The following ATOSA variants were observed in gnomAD, a reference collection of about 807,000 sequenced individuals.
ATOSA encodes the protein atos homolog A.
chr15:52,706,340 G>C, the ATOSA span, among the ~76,000 whole-genome samples: 1 of 152,188 alleles, frequency 6.6e-6, no homozygotes, highest in Non-Finnish European at 1.5e-5. Context: ...ACTAGCCTCA[G>C]TCTATGGAGA....
chr15:52,701,741 T>A, the ATOSA span, among the ~76,000 whole-genome samples: 148,366 of 152,330 alleles, frequency 0.97, 72,320 homozygotes, highest in Non-Finnish European at 1. Context: ...AATTGTGCAT[T>A]AAAACACTTT....
At chr15:52,661,252 ATTACT>A in the ATOSA span, among the ~76,000 whole-genome samples, 2 of 152,202 alleles carry the variant, frequency 1.3e-5, no homozygotes, top group African/African-American at 4.8e-5. Flanking sequence ...GTATCTATGT[ATTACT>A]TTGAGAACAA....
the ATOSA span, among the ~76,000 whole-genome samples, chr15:52,677,049 GGT>G: frequency 6.6e-6 from 1 of 151,954 alleles, no homozygotes; most frequent in South Asian, 2.1e-4. Context: ...AATTCCTTCT[GGT>G]GCATTTCAAT....
At chr15:52,607,086 T>C in the ATOSA span, among the ~76,000 whole-genome samples, 6 of 152,208 alleles carry the variant, frequency 3.9e-5, no homozygotes, top group Admixed American at 2.6e-4. Flanking sequence ...CACTCTAAGA[T>C]AGGCAAAAGA....
the ATOSA span, among the ~76,000 whole-genome samples, chr15:52,606,553 C>G: frequency 3.3e-5 from 5 of 152,006 alleles, no homozygotes; most frequent in East Asian, 9.6e-4. Context: ...TCAGAAGGGG[C>G]ACACAGTAAA....
chr15:52,692,946 T>C, the ATOSA span, among the ~76,000 whole-genome samples: 1 of 151,926 alleles, frequency 6.6e-6, no homozygotes, highest in South Asian at 2.1e-4. Context: ...CCACCACGCC[T>C]GGCACAAAAC....
At chr15:52,649,159 T>C in the ATOSA span, among the ~76,000 whole-genome samples, 12 of 152,178 alleles carry the variant, frequency 7.9e-5, no homozygotes, top group African/African-American at 2.7e-4. Flanking sequence ...ACTGTCGATA[T>C]GTGAAAATGC....
chr15:52,620,943 AT>A, the ATOSA span, among the ~76,000 whole-genome samples: 1 of 152,254 alleles, frequency 6.6e-6, no homozygotes. Context: ...TCTCAAAAAA[AT>A]AAAATAAAAA....
chr15:52,631,289 T>C, the ATOSA span, among the ~76,000 whole-genome samples: 70 of 152,312 alleles, frequency 4.6e-4, no homozygotes, highest in South Asian at 1.7e-3. Context: ...GTTTGTAAGG[T>C]GGTACTAGTT....
At chr15:52,630,981 C>CA in the ATOSA span, among the ~76,000 whole-genome samples, 1 of 152,040 alleles carries the variant, frequency 6.6e-6, no homozygotes, top group Admixed American at 6.6e-5. Flanking sequence ...TTAAAAGAGA[C>CA]AACACAGAAT....
the ATOSA span, among the ~76,000 whole-genome samples, chr15:52,621,187 C>T: frequency 1.5e-4 from 23 of 152,216 alleles, no homozygotes; most frequent in Admixed American, 1.2e-3. Flanking sequence ...TAATGACATA[C>T]CTACTTTTGA....
At chr15:52,625,715 G>T in the ATOSA span, among the ~76,000 whole-genome samples, 1 of 151,962 alleles carries the variant, frequency 6.6e-6, no homozygotes. Context: ...AAAAAGTTAC[G>T]TTTTTATAGT....
the ATOSA span, chr15:52,679,345 C>A: frequency 7.6e-4 from 117 of 154,122 alleles, no homozygotes; most frequent in Non-Finnish European, 3.0e-4. Context: ...CCGTCCCCCT[C>A]GCTCGGCCAG....
At chr15:52,699,808 A>G in the ATOSA span, among the ~76,000 whole-genome samples, 1 of 152,152 alleles carries the variant, frequency 6.6e-6, no homozygotes, top group African/African-American at 2.4e-5. Context: ...GCCTTACTGT[A>G]GCATTCGGAT....
chr15:52,607,605 A>G, the ATOSA span, among the ~76,000 whole-genome samples: 1 of 152,176 alleles, frequency 6.6e-6, no homozygotes, highest in Non-Finnish European at 1.5e-5. Flanking sequence ...TAGTTTCCTC[A>G]TAACTGTCCT....
At chr15:52,640,711 T>C in the ATOSA span, among the ~76,000 whole-genome samples, 1 of 150,852 alleles carries the variant, frequency 6.6e-6, no homozygotes, top group Non-Finnish European at 1.5e-5. Context: ...ATGCAATATA[T>C]ACTACTAGAT....
At chr15:52,697,861 G>A in the ATOSA span, among the ~76,000 whole-genome samples, 22 of 150,364 alleles carry the variant, frequency 1.5e-4, no homozygotes, top group East Asian at 4.3e-3. Context: ...CTCGTCAGGG[G>A]AACACAAATT....
At chr15:52,612,143 C>T in the ATOSA span, among the ~76,000 whole-genome samples, 1 of 152,200 alleles carries the variant, frequency 6.6e-6, no homozygotes, top group Non-Finnish European at 1.5e-5. Flanking sequence ...CGCCAGCACG[C>T]CAGACTAATT....
At chr15:52,594,120 T>C in the ATOSA span, among the ~76,000 whole-genome samples, 1 of 152,196 alleles carries the variant, frequency 6.6e-6, no homozygotes, top group Admixed American at 6.5e-5. Flanking sequence ...ACAGTGCCTA[T>C]TCATGGTGCT....
Sources: allele counts gnomAD v4.1 joint callset (sites outside exome capture counted in the v4.1 genomes callset), GRCh38; gene constraint gnomAD v4.1.1; transcripts MANE v1.5; gene names NCBI Gene and HGNC (gene_info 2026-07-23, HGNC 2026-07-21).